DPYD: variants seen among roughly 807,000 people sequenced by gnomAD.
DPYD encodes dihydropyrimidine dehydrogenase, also known as dihydropyrimidine dehydrogenase [NADP(+)].
Under a neutral mutation model 116.2 loss-of-function variants are expected in DPYD, and 109 were observed. The ratio of observed to expected loss-of-function variants is 0.94; its 90% CI spans 0.80 to 1.10. DPYD has a LOEUF of 1.10. DPYD is among the 50% of genes least tolerant of loss of function. The probability of loss-of-function intolerance (pLI) is 0.00; values close to 1 mark genes in which losing one functional copy is unlikely to be tolerated. For synonymous variants in DPYD, 440 were observed against 432.0 expected, an observed-to-expected ratio of 1.02 and a Z score of -0.23; for missense variants, 1,302 against 1,254.5, an observed-to-expected ratio of 1.04 and a Z score of -0.57.
At chr1:97,664,294 G>T (rs1458625498) in intron 8 of DPYD, among the ~76,000 whole-genome samples, 1 of 151,678 alleles carries the variant, frequency 6.6e-6, no homozygotes, top group Admixed American at 6.6e-5. Context: ...GGTCATGAGG[G>T]CATATATATG....
chr1:97,323,087 A>AT (rs901722712), intron 16 of DPYD: 10 of 149,988 alleles, frequency 6.7e-5, no homozygotes, highest in African/African-American at 2.2e-4. Context: ...TTCCGATTCA[A>AT]TTTTTTTACT....
At chr1:97,688,770 A>G (rs1660867284) in intron 7 of DPYD, among the ~76,000 whole-genome samples, 1 of 152,060 alleles carries the variant, frequency 6.6e-6, no homozygotes, top group Non-Finnish European at 1.5e-5. Context: ...TATCCATTAC[A>G]TAAATAAATG....
intron 13 of DPYD, among the ~76,000 whole-genome samples, chr1:97,485,456 C>A (rs1297694954): frequency 1.3e-5 from 2 of 152,196 alleles, no homozygotes; most frequent in Non-Finnish European, 2.9e-5. Context: ...CCCACCTTAG[C>A]CTCCCAAAGT....
chr1:97,731,009 A>T (rs1663574414), intron 4 of DPYD, among the ~76,000 whole-genome samples: 1 of 152,126 alleles, frequency 6.6e-6, no homozygotes, highest in South Asian at 2.1e-4. Flanking sequence ...TAATCAAAGA[A>T]TCTCATATTA....
intron 3 of DPYD, among the ~76,000 whole-genome samples, chr1:97,747,999 G>A (rs1484333190): frequency 6.6e-6 from 1 of 152,034 alleles, no homozygotes; most frequent in Non-Finnish European, 1.5e-5. Context: ...AATATATTCT[G>A]AAACTTATAT....
chr1:97,514,017 A>C (rs1307137894), intron 13 of DPYD, among the ~76,000 whole-genome samples: 3 of 151,920 alleles, frequency 2.0e-5, no homozygotes, highest in Non-Finnish European at 4.4e-5. Context: ...CCACCATCAA[A>C]GTAAGTAAAA....
intron 20 of DPYD, among the ~76,000 whole-genome samples, chr1:97,117,455 T>C (rs1652065451): frequency 6.6e-6 from 1 of 152,214 alleles, no homozygotes; most frequent in Admixed American, 6.5e-5. Flanking sequence ...TCAAGCACTC[T>C]TATCATGTTT....
At chr1:97,477,809 A>G (rs891833671) in intron 13 of DPYD, among the ~76,000 whole-genome samples, 4 of 151,280 alleles carry the variant, frequency 2.6e-5, no homozygotes, top group African/African-American at 7.3e-5. Context: ...TTTAGTAGAG[A>G]CGGGGTTTCA....
intron 16 of DPYD, among the ~76,000 whole-genome samples, chr1:97,341,348 T>C (rs987260885): frequency 6.6e-6 from 1 of 152,160 alleles, no homozygotes; most frequent in Non-Finnish European, 1.5e-5. Flanking sequence ...GCCCCTAATT[T>C]ACTGCAGATA....
intron 18 of DPYD, among the ~76,000 whole-genome samples, chr1:97,237,517 C>T (rs955111157): frequency 3.3e-5 from 5 of 152,010 alleles, no homozygotes; most frequent in Admixed American, 1.3e-4. Flanking sequence ...AATTAGAAAC[C>T]GGACATTAAG....
chr1:97,308,471 C>T (rs193089078), intron 16 of DPYD: 1 of 151,756 alleles, frequency 6.6e-6, no homozygotes, highest in East Asian at 1.9e-4. Context: ...AACTTCTAAC[C>T]AAAATTACCA....
chr1:97,686,480 CA>C (rs1299657218), intron 7 of DPYD, among the ~76,000 whole-genome samples: 4 of 150,710 alleles, frequency 2.7e-5, no homozygotes, highest in African/African-American at 4.9e-5. Context: ...ACTAAAAATA[CA>C]AAAAAATTAG....
intron 2 of DPYD, among the ~76,000 whole-genome samples, chr1:97,833,532 C>G (rs562398824): frequency 6.6e-6 from 1 of 152,212 alleles, no homozygotes; most frequent in African/African-American, 2.4e-5. Context: ...TGGCTCTAGC[C>G]TCAGACCTTA....
intron 16 of DPYD, among the ~76,000 whole-genome samples, chr1:97,369,102 G>A (rs1182034266): frequency 6.6e-6 from 1 of 152,024 alleles, no homozygotes; most frequent in African/African-American, 2.4e-5. Flanking sequence ...TACTCAATGT[G>A]GTAAGAACAT....
At chr1:97,639,567 T>C (rs1048175498) in intron 8 of DPYD, among the ~76,000 whole-genome samples, 1 of 152,178 alleles carries the variant, frequency 6.6e-6, no homozygotes, top group African/African-American at 2.4e-5. Flanking sequence ...CTAGAGGTTT[T>C]TAAAAATCTC....
intron 8 of DPYD, among the ~76,000 whole-genome samples, chr1:97,665,963 G>A (rs917755310): frequency 2.0e-5 from 3 of 152,114 alleles, no homozygotes; most frequent in Non-Finnish European, 4.4e-5. Flanking sequence ...AAAGTGAAAA[G>A]GAAAAGTTAA....
At chr1:97,118,401 T>A (rs1028941065) in intron 20 of DPYD, among the ~76,000 whole-genome samples, 1 of 152,176 alleles carries the variant, frequency 6.6e-6, no homozygotes, top group African/African-American at 2.4e-5. Context: ...TTTAACATTT[T>A]TTTTTCTAAG....
At chr1:97,254,909 T>C (rs576189) in intron 18 of DPYD, among the ~76,000 whole-genome samples, 59,933 of 151,960 alleles carry the variant, frequency 0.39, 12,005 homozygotes, top group Middle Eastern at 0.46. Flanking sequence ...GTTTTGATGC[T>C]AGAGCTTTGG....
At chr1:97,297,581 T>C (rs1273407514) in intron 18 of DPYD, among the ~76,000 whole-genome samples, 1 of 152,140 alleles carries the variant, frequency 6.6e-6, no homozygotes, top group East Asian at 1.9e-4. Context: ...ATAGCATATC[T>C]CCAAATCATT....
Sources: allele counts gnomAD v4.1 joint callset (sites outside exome capture counted in the v4.1 genomes callset), GRCh38; gene constraint gnomAD v4.1.1; transcripts MANE v1.5; gene names NCBI Gene and HGNC (gene_info 2026-07-23, HGNC 2026-07-21).